ZCWPW2: variants seen among roughly 807,000 people sequenced by gnomAD.
ZCWPW2 encodes zinc finger CW-type PWWP domain protein 2.
Under a neutral mutation model 46.6 loss-of-function variants are expected in ZCWPW2, and 45 were observed. The ratio of observed to expected loss-of-function variants is 0.96; its 90% CI spans 0.76 to 1.24. The LOEUF is 1.24. Ranked by LOEUF, ZCWPW2 falls within the 50% of genes most tolerant of loss-of-function variation. The pLI is 0.00. For synonymous variants in ZCWPW2, 152 were observed against 137.1 expected (o/e 1.11, Z -0.76); for missense variants, 429 against 403.9 (o/e 1.06, Z -0.53).
chr3:28,492,189 A>C lies in ZCWPW2; in HGVS notation c.657+16A>C. 2 of 1,588,108 alleles carry C rather than the reference A, an allele frequency of 1.3e-6. No individual in the cohort carries two copies. Among genetic ancestry groups the C allele is most frequent in the Non-Finnish European group, 1.7e-6 (2 of 1,168,418 alleles). On this transcript the variant is annotated intron_variant, in intron 6 of 9. Coordinates refer to ENST00000383768, the MANE Select transcript of ZCWPW2 (RefSeq NM_001040432.4). ...CAAGAAAAGGGTAAGATTGTGTTTT[A>C]TTATATAAAATATACAAACTTCAAA...
chr3:28,358,823 T>C (rs1704834436), intron 1 of ZCWPW2, among the ~76,000 whole-genome samples: 2 of 151,956 alleles, frequency 1.3e-5, no homozygotes, highest in African/African-American at 4.8e-5. Context: ...AGGAGGAATT[T>C]ATATCTCATT....
chr3:28,417,148 AG>A (rs1386835130), intron 3 of ZCWPW2, among the ~76,000 whole-genome samples: 1 of 151,514 alleles, frequency 6.6e-6, no homozygotes, highest in Non-Finnish European at 1.5e-5. Flanking sequence ...TATCACTGCT[AG>A]CAAGACAAAT....
intron 6 of ZCWPW2, chr3:28,511,132 A>G: frequency 2.2e-6 from 1 of 445,040 alleles, no homozygotes; most frequent in Middle Eastern, 3.4e-4. Flanking sequence ...GAAGAGGTAA[A>G]TGTATGACAA....
chr3:28,393,309 A>T (rs1695568264), intron 2 of ZCWPW2, among the ~76,000 whole-genome samples: 1 of 152,152 alleles, frequency 6.6e-6, no homozygotes, highest in South Asian at 2.1e-4. Context: ...AGTAATCAAA[A>T]TTTCTCATCA....
chr3:28,406,717 C>T (rs1257270131), intron 2 of ZCWPW2, among the ~76,000 whole-genome samples: 2 of 152,076 alleles, frequency 1.3e-5, no homozygotes, highest in African/African-American at 4.8e-5. Flanking sequence ...TTTCCACCCT[C>T]GCCTGCTATG....
At chr3:28,502,110 G>A (rs967542490) in intron 6 of ZCWPW2, among the ~76,000 whole-genome samples, 2 of 152,014 alleles carry the variant, frequency 1.3e-5, no homozygotes, top group African/African-American at 2.4e-5. Context: ...GTATTAAAAC[G>A]CCCTTCCAGA....
chr3:28,487,386 T>A (rs1321715249), intron 5 of ZCWPW2, among the ~76,000 whole-genome samples: 1 of 152,168 alleles, frequency 6.6e-6, no homozygotes, highest in Non-Finnish European at 1.5e-5. Context: ...CCATGTCGAG[T>A]CTACTGATGA....
intron 5 of ZCWPW2, among the ~76,000 whole-genome samples, chr3:28,488,345 G>A (rs1261750760): frequency 1.3e-5 from 2 of 152,150 alleles, no homozygotes; most frequent in Non-Finnish European, 2.9e-5. Flanking sequence ...AAGGATCTAA[G>A]AAGAGTTGTT....
At chr3:28,471,219 A>G (rs1003821230) in intron 4 of ZCWPW2, among the ~76,000 whole-genome samples, 5 of 152,208 alleles carry the variant, frequency 3.3e-5, no homozygotes, top group African/African-American at 1.2e-4. Context: ...TATTCCAAAA[A>G]ATAGAAGTGG....
intron 4 of ZCWPW2, among the ~76,000 whole-genome samples, chr3:28,437,662 A>G (rs1697556374): frequency 6.6e-6 from 1 of 152,234 alleles, no homozygotes; most frequent in Admixed American, 6.5e-5. Context: ...GGAACTATTC[A>G]TTGATACACT....
At chr3:28,513,998 C>A in intron 6 of ZCWPW2, 66 bp from the exon 7 acceptor site, 1 of 1,307,626 alleles carries the variant, frequency 7.6e-7, no homozygotes. Context: ...TGCATGGGAC[C>A]CATTATTTTA....
intron 3 of ZCWPW2, 27 bp downstream of exon 3, chr3:28,413,427 T>C: frequency 1.3e-6 from 2 of 1,551,646 alleles, no homozygotes; most frequent in Non-Finnish European, 1.8e-6. Flanking sequence ...TTTATGACTT[T>C]TGAAATGTAG....
chr3:28,456,131 T>C (rs13075840), intron 4 of ZCWPW2, among the ~76,000 whole-genome samples: 42,989 of 152,006 alleles, frequency 0.28, 6,286 homozygotes, highest in Middle Eastern at 0.33. Context: ...GATGTGTTTC[T>C]ATTTGTTTCT....
chr3:28,513,765 G>A (rs531613724), intron 6 of ZCWPW2, among the ~76,000 whole-genome samples: 1 of 151,988 alleles, frequency 6.6e-6, no homozygotes, highest in South Asian at 2.1e-4. Context: ...ATATATGTGT[G>A]TACAACTTTA....
intron 3 of ZCWPW2, among the ~76,000 whole-genome samples, chr3:28,426,806 A>G (rs1005824568): frequency 5.9e-5 from 9 of 152,184 alleles, no homozygotes; most frequent in Non-Finnish European, 8.8e-5. Flanking sequence ...TTTGCTCTCC[A>G]CTTATACATC....
chr3:28,407,757 TA>T (rs1251353822), intron 2 of ZCWPW2, among the ~76,000 whole-genome samples: 1 of 152,178 alleles, frequency 6.6e-6, no homozygotes, highest in Non-Finnish European at 1.5e-5. Context: ...AGTTATGAAA[TA>T]AAAAATTAAA....
chr3:28,435,735 C>T (rs1358777490), intron 4 of ZCWPW2, among the ~76,000 whole-genome samples: 1 of 151,982 alleles, frequency 6.6e-6, no homozygotes, highest in African/African-American at 2.4e-5. Context: ...ATCAGCCCGC[C>T]CCGGCCTCCG....
chr3:28,353,468 T>C (rs1490701754), intron 1 of ZCWPW2, among the ~76,000 whole-genome samples: 2 of 152,184 alleles, frequency 1.3e-5, no homozygotes, highest in East Asian at 1.9e-4. Flanking sequence ...TCCCAGCTGC[T>C]AAAGGAGAGC....
chr3:28,355,702 T>A (rs1029962480), intron 1 of ZCWPW2, among the ~76,000 whole-genome samples: 5 of 152,222 alleles, frequency 3.3e-5, no homozygotes, highest in Non-Finnish European at 5.9e-5. Context: ...ACCACACATC[T>A]ACAACCATCT....
Sources: gnomAD v4.1 joint callset for allele counts (sites outside exome capture counted in the v4.1 genomes callset) on GRCh38, gnomAD v4.1.1 for gene constraint, MANE v1.5 for transcripts, NCBI Gene and HGNC (gene_info 2026-07-23, HGNC 2026-07-21) for gene names.